Variants in CDH4 observed in about 807,000 individuals in gnomAD.
The protein encoded by CDH4 is cadherin 4.
Under a neutral mutation model 86.0 loss-of-function variants are expected in CDH4, and 33 were observed. That is an observed-to-expected ratio of 0.38 (90% CI 0.29 to 0.51). CDH4 has a LOEUF of 0.51. CDH4 is among the 20% of genes least tolerant of loss of function. The probability of loss-of-function intolerance (pLI) is 0.86; values close to 1 mark genes in which losing one functional copy is unlikely to be tolerated. For synonymous variants in CDH4, 555 were observed against 549.4 expected (o/e 1.01, Z -0.14); for missense variants, 1,114 against 1,307.4 (o/e 0.85, Z 2.28).
intron 2 of CDH4, among the ~76,000 whole-genome samples, chr20:61,585,974 A>G (rs2145725590): frequency 1.1e-5 from 1 of 91,284 alleles, no homozygotes; most frequent in East Asian, 4.2e-4. Context: ...GATGGTGATG[A>G]TGTGATGATG....
chr20:61,474,185 G>T (rs2085522066), intron 2 of CDH4, among the ~76,000 whole-genome samples: 1 of 121,386 alleles, frequency 8.2e-6, no homozygotes, highest in Admixed American at 1.0e-4. Context: ...TTTTGAGATG[G>T]AGTCTGACTC....
At position 61,786,125 on chromosome 20, in the gene CDH4, C is replaced by T. The variant is rs144176352; in HGVS notation, c.576+12943C>T. On this transcript the variant is annotated intron_variant, in intron 4 of 15. Transcript: ENST00000614565. The stretch of plus-strand genomic sequence containing the variant: ...TTTGGGGGTCTTCGGCTCAGCCCTC[C>T]GGGGAAACAAGGACCCTTGAGAAAG... Among the ~76,000 whole-genome samples, 1,378 of 152,238 alleles carry T rather than the reference C, an allele frequency of 9.1e-3. 13 individuals are homozygous for T. The highest frequency in any genetic ancestry group is 0.013 in the Non-Finnish European group (900 of 68,018).
chr20:61,424,646 A>C (rs1435794188), intron 2 of CDH4, among the ~76,000 whole-genome samples: 1 of 151,016 alleles, frequency 6.6e-6, no homozygotes, highest in East Asian at 2.0e-4. Flanking sequence ...CCTGTCACCC[A>C]CTCTTCCCCT....
intron 2 of CDH4, among the ~76,000 whole-genome samples, chr20:61,264,044 C>A (rs905576771): frequency 5.9e-5 from 9 of 152,168 alleles, no homozygotes; most frequent in African/African-American, 2.2e-4. Flanking sequence ...AATTCAGTCA[C>A]CTCTGCCAAG....
intron 2 of CDH4, among the ~76,000 whole-genome samples, chr20:61,609,926 G>A (rs1306755842): frequency 6.6e-6 from 1 of 152,120 alleles, no homozygotes; most frequent in East Asian, 1.9e-4. Context: ...TGTATACAGT[G>A]TGCTGTGATC....
At chr20:61,585,997 A>ATGGTGATTG (rs1555811241) in intron 2 of CDH4, among the ~76,000 whole-genome samples, 8 of 136,814 alleles carry the variant, frequency 5.8e-5, no homozygotes, top group Non-Finnish European at 1.1e-4. Context: ...GGTGATGATG[A>ATGGTGATTG]TGATGGTGAT....
chr20:61,297,004 G>C (rs1236473787), intron 2 of CDH4, among the ~76,000 whole-genome samples: 2 of 152,182 alleles, frequency 1.3e-5, no homozygotes, highest in Non-Finnish European at 2.9e-5. Context: ...GGGACCCCAG[G>C]ACTCCAGGAC....
intron 1 of CDH4, among the ~76,000 whole-genome samples, chr20:61,254,496 TTC>T (rs1362069367): frequency 1.3e-5 from 2 of 152,202 alleles, no homozygotes; most frequent in African/African-American, 4.8e-5. Context: ...GGCTGAAGTC[TTC>T]TGTCTCTGCC....
chr20:61,936,834 G>T lies in CDH4; in HGVS notation c.2642G>T (p.Ser881Ile). 6.2e-7 allele frequency: 1 copy of T among 1,610,804 alleles called. No individual in the cohort carries two copies. The highest frequency in any genetic ancestry group is 1.1e-5 in the South Asian group (1 of 90,680). The part of the protein sequence containing the change: ...EGSGSTAGSV[S>I]SLNSSSSGDQ... ...AGCGGCTCCACCGCAGGCTCCGTCA[G>T]CTCCCTGAACTCATCCAGTTCCGGG... is the stretch of plus-strand genomic sequence containing the variant. The change falls in exon 16 of 16, where the codon AGC becomes ATC. Residue 881 changes from serine (S) to isoleucine (I), a missense_variant. Ser to Ile is a moderately radical substitution (Grantham distance 142). Coordinates refer to ENST00000614565, the MANE Select transcript of CDH4 (RefSeq NM_001794.5).
intron 2 of CDH4, among the ~76,000 whole-genome samples, chr20:61,369,221 G>GAAT (rs1215344951): frequency 1.3e-5 from 2 of 152,136 alleles, no homozygotes; most frequent in Admixed American, 6.6e-5. Context: ...GGGAGGCTGA[G>GAAT]GCGGGCAGAT....
chr20:61,272,465 G>A (rs546750756), intron 2 of CDH4, among the ~76,000 whole-genome samples: 1 of 152,266 alleles, frequency 6.6e-6, no homozygotes, highest in Non-Finnish European at 1.5e-5. Context: ...AGTTATCTAG[G>A]AATTGTCTTA....
At chr20:61,857,358 G>C (rs899943856) in intron 6 of CDH4, among the ~76,000 whole-genome samples, 19 of 152,254 alleles carry the variant, frequency 1.2e-4, no homozygotes, top group African/African-American at 4.6e-4. Flanking sequence ...GGCCCTGCTG[G>C]GTGACCCGCA....
At chr20:61,331,065 G>C (rs1303449713) in intron 2 of CDH4, among the ~76,000 whole-genome samples, 1 of 152,078 alleles carries the variant, frequency 6.6e-6, no homozygotes, top group Non-Finnish European at 1.5e-5. Flanking sequence ...ACTAACACCT[G>C]TGCGAGGGTG....
At position 61,707,618 on chromosome 20, in the gene CDH4, A is replaced by G. The variant is rs146819554; in HGVS notation, c.170-35945A>G. Reference sequence around the variant, plus strand: ...GATCAATAAAAACAAATCCTTCACAACCGTGGTCCCCAAACTTTTTGGCAC... The same window carrying G: ...GATCAATAAAAACAAATCCTTCACAGCCGTGGTCCCCAAACTTTTTGGCAC... On this transcript the variant is annotated intron_variant, in intron 2 of 15. Coordinates refer to ENST00000614565, the MANE Select transcript of CDH4 (RefSeq NM_001794.5). Among the ~76,000 whole-genome samples the G allele has an allele frequency of 5.8e-3, 888 of 152,304 alleles. 10 individuals carry two copies. Among genetic ancestry groups the G allele is most frequent in the Non-Finnish European group, 8.1e-3 (553 of 68,028 alleles).
intron 2 of CDH4, among the ~76,000 whole-genome samples, chr20:61,352,880 G>T (rs1017520944): frequency 6.6e-6 from 1 of 152,092 alleles, no homozygotes; most frequent in Admixed American, 6.5e-5. Flanking sequence ...GAGACGCTGC[G>T]GACAAGGAGT....
rs80250342 is a variant in CDH4, at chr20:61,759,993, C to T, written c.397-13010C>T. The stretch of plus-strand genomic sequence containing the variant: ...GAGGTCACAAGCTCGGTAGCTTGTC[C>T]GGATCTCTTTGTACCAGAACATTCT... On this transcript the variant is annotated intron_variant, in intron 3 of 15. Transcript: ENST00000614565. Among the ~76,000 whole-genome samples the T allele has an allele frequency of 3.4e-3, 516 of 152,322 alleles. 11 individuals are homozygous for T. The East Asian group carries it at 0.058, about 17-fold the overall frequency.
chr20:61,573,898 C>T (rs1441368743), intron 2 of CDH4, among the ~76,000 whole-genome samples: 1 of 152,210 alleles, frequency 6.6e-6, no homozygotes, highest in Non-Finnish European at 1.5e-5. Context: ...AGGAGCTCCC[C>T]TCGCTCACCT....
At chr20:61,694,441 C>G (rs931223016) in intron 2 of CDH4, among the ~76,000 whole-genome samples, 5 of 152,218 alleles carry the variant, frequency 3.3e-5, no homozygotes, top group Admixed American at 6.5e-5. Context: ...CAAGATGACC[C>G]TTTGACTGAG....
intron 2 of CDH4, among the ~76,000 whole-genome samples, chr20:61,486,151 C>A (rs962136380): frequency 2.0e-5 from 3 of 152,222 alleles, no homozygotes; most frequent in Non-Finnish European, 4.4e-5. Flanking sequence ...CAGCTAAAGG[C>A]AAAATGTCCA....
Sources: gnomAD v4.1 joint callset for allele counts (sites outside exome capture counted in the v4.1 genomes callset) on GRCh38, gnomAD v4.1.1 for gene constraint, MANE v1.5 for transcripts, NCBI Gene and HGNC (gene_info 2026-07-23, HGNC 2026-07-21) for gene names.